LINGO1: variants seen among roughly 807,000 people sequenced by gnomAD.
LINGO1 encodes leucine rich repeat and Ig domain containing 1.
In LINGO1, 11 loss-of-function variants were observed where a neutral mutation model predicts 37.3. The observed-to-expected ratio is 0.29, with a 90% CI of 0.19 to 0.49. LINGO1 has a LOEUF of 0.49. Ranked by LOEUF, LINGO1 falls within the 20% of genes least tolerant of loss-of-function variation. The probability of loss-of-function intolerance (pLI) is 0.99; values close to 1 mark genes in which losing one functional copy is unlikely to be tolerated. For synonymous variants in LINGO1, 387 were observed against 403.0 expected (o/e 0.96, Z 0.48); for missense variants, 585 against 878.2 (o/e 0.67, Z 4.22).
At chr15:77,802,218 C>G (rs1478963725) in intron 1 of LINGO1, among the ~76,000 whole-genome samples, 1 of 151,832 alleles carries the variant, frequency 6.6e-6, no homozygotes, top group Non-Finnish European at 1.5e-5. Context: ...GAGGTGAACT[C>G]TGGAGGGTGT....
upstream of LINGO1, among the ~76,000 whole-genome samples, chr15:77,700,266 C>T (rs1303438951): frequency 6.6e-6 from 1 of 152,178 alleles, no homozygotes; most frequent in East Asian, 1.9e-4. Context: ...CCAAGCTCTC[C>T]CCTAATAAGA....
At chr15:77,660,140 T>C (rs2074956851) in intron 3 of LINGO1, 1 of 152,198 alleles carries the variant, frequency 6.6e-6, no homozygotes, top group Non-Finnish European at 1.5e-5. Flanking sequence ...TGGGGATCCT[T>C]GTCCCAGCTC....
chr15:77,665,765 G>A (rs1310426472), intron 3 of LINGO1, among the ~76,000 whole-genome samples: 1 of 152,208 alleles, frequency 6.6e-6, no homozygotes, highest in Non-Finnish European at 1.5e-5. Context: ...CCCTGCATGT[G>A]TCCTGGGCCC....
At chr15:77,664,444 C>G (rs2075084544) in intron 3 of LINGO1, among the ~76,000 whole-genome samples, 1 of 152,016 alleles carries the variant, frequency 6.6e-6, no homozygotes, top group Non-Finnish European at 1.5e-5. Context: ...GCCCTGACCC[C>G]ATCCTCTGGC....
At chr15:77,782,950 CCT>C (rs2076735300) in intron 1 of LINGO1, among the ~76,000 whole-genome samples, 1 of 152,094 alleles carries the variant, frequency 6.6e-6, no homozygotes, top group South Asian at 2.1e-4. Context: ...GTTTCCCACC[CCT>C]GTCCCCGCTC....
At chr15:77,667,517 G>A (rs1405593776) in intron 3 of LINGO1, among the ~76,000 whole-genome samples, 1 of 152,150 alleles carries the variant, frequency 6.6e-6, no homozygotes, top group Non-Finnish European at 1.5e-5. Context: ...CCTGGTGCAG[G>A]AGGGAAGTGG....
exon 2 of LINGO1, chr15:77,796,026 G>C (rs1395440027): frequency 6.6e-6 from 1 of 152,354 alleles, no homozygotes; most frequent in Non-Finnish European, 1.5e-5. Context: ...GTGGGCACTG[G>C]AGCCTCAGGG....
intron 1 of LINGO1, among the ~76,000 whole-genome samples, chr15:77,804,640 G>A (rs2076945236): frequency 6.6e-6 from 1 of 152,150 alleles, no homozygotes; most frequent in Non-Finnish European, 1.5e-5. Flanking sequence ...AGGATGTGCA[G>A]GGGTGTGGCT....
chr15:77,664,130 A>AGTGTGTGTGTGTGTGTGTGTGTGTGTGT (rs774494605), intron 3 of LINGO1, among the ~76,000 whole-genome samples: 15 of 130,370 alleles, frequency 1.2e-4, no homozygotes, highest in African/African-American at 4.4e-4. Flanking sequence ...ACACAGGAGC[A>AGTGTGTGTGTGTGTGTGTGTGTGTGTGT]GTGTGTGTGT....
Position 77,716,280 on chromosome 15 carries a change from C to CTTTT in LINGO1, c.-195+18708_-195+18711dup, listed in dbSNP as rs5813879. On this transcript the variant is annotated intron_variant, in intron 2 of 3. Transcript: ENST00000561686. ...GGCTATTTTCTTTCTTCTTCTTCTT[C>CTTTT]TTTTTTTTTTTTTTTTTTGAGACAG... is the stretch of plus-strand genomic sequence containing the variant. Among the ~76,000 whole-genome samples the CTTTT allele has an allele frequency of 6.1e-4, 73 of 119,234 alleles. 2 individuals carry two copies. The highest frequency in any genetic ancestry group is 1.9e-3 in the African/African-American group (61 of 32,634). The allele number at this position is 119,234 out of a possible 152,430, so 78.2% of individuals were successfully genotyped here.
At chr15:77,630,989 G>A (rs934010385) in intron 1 of LINGO1, among the ~76,000 whole-genome samples, 1 of 152,222 alleles carries the variant, frequency 6.6e-6, no homozygotes, top group Non-Finnish European at 1.5e-5. Flanking sequence ...GAGGCGTGAG[G>A]ATTTTGAGCT....
At chr15:77,801,158 C>G (rs1356628482) in intron 1 of LINGO1, among the ~76,000 whole-genome samples, 1 of 152,232 alleles carries the variant, frequency 6.6e-6, no homozygotes, top group Non-Finnish European at 1.5e-5. Context: ...AATTCCACTT[C>G]TGGGAGCCTC....
intron 1 of LINGO1, among the ~76,000 whole-genome samples, chr15:77,799,499 C>T (rs998063475): frequency 6.6e-6 from 1 of 152,190 alleles, no homozygotes; most frequent in Non-Finnish European, 1.5e-5. Flanking sequence ...CACCCCAGGC[C>T]CCAGGAATGA....
At chr15:77,794,591 T>TATATATA (rs1491171570) in intron 2 of LINGO1, among the ~76,000 whole-genome samples, 1 of 28,608 alleles carries the variant, frequency 3.5e-5, no homozygotes, top group East Asian at 8.1e-4. Context: ...TATATATATA[T>TATATATA]TTTTTTTTTT....
chr15:77,807,100 C>T (rs1487145502), intron 1 of LINGO1, among the ~76,000 whole-genome samples: 1 of 152,210 alleles, frequency 6.6e-6, no homozygotes, highest in Non-Finnish European at 1.5e-5. Flanking sequence ...GGAATTCCTT[C>T]CTCCTTGACC....
chr15:77,734,973 C>CAGCAGCTGCTCGAGT (rs1280584043), intron 2 of LINGO1: 6 of 152,412 alleles, frequency 3.9e-5, no homozygotes, highest in African/African-American at 1.4e-4. Context: ...CCAACACAGA[C>CAGCAGCTGCTCGAGT]AGCAGCTGCT....
At chr15:77,680,859 G>A (rs556103618) in intron 2 of LINGO1, among the ~76,000 whole-genome samples, 1 of 152,286 alleles carries the variant, frequency 6.6e-6, no homozygotes, top group South Asian at 2.1e-4. Flanking sequence ...TTTATATTTT[G>A]AACTTACTGG....
chr15:77,719,437 T>A (rs2076023021), intron 2 of LINGO1, among the ~76,000 whole-genome samples: 1 of 149,708 alleles, frequency 6.7e-6, no homozygotes, highest in Admixed American at 6.7e-5. Context: ...CACAGGCAGA[T>A]CAGAGCCACA....
chr15:77,631,027 G>A lies in LINGO1; in HGVS notation c.6+1283C>T, dbSNP rs542414815. Among the ~76,000 whole-genome samples the A allele has an allele frequency of 1.0e-3, 159 of 152,328 alleles. 1 individual carries two copies. Among genetic ancestry groups the A allele is most frequent in the Middle Eastern group, 3.4e-3 (1 of 294 alleles). On this transcript the variant is annotated intron_variant, in intron 1 of 1. Transcript: ENST00000355300. ...TCCCTGGCTTATACAAGGACAAAGG[G>A]TCTGGGAGCAGCTGGCCCTCTTCTC...
Sources: gnomAD v4.1 joint callset for allele counts (sites outside exome capture counted in the v4.1 genomes callset) on GRCh38, gnomAD v4.1.1 for gene constraint, MANE v1.5 for transcripts, NCBI Gene and HGNC (gene_info 2026-07-23, HGNC 2026-07-21) for gene names.